Variants in ATXN1 observed in about 807,000 individuals in gnomAD.
ATXN1 encodes the protein ataxin 1.
A neutral mutation model predicts 56.4 loss-of-function variants in ATXN1; 8 were observed. That is an observed-to-expected ratio of 0.14 (90% CI 0.08 to 0.26). The LOEUF (loss-of-function observed/expected upper bound fraction) is 0.26, where lower values mean the gene tolerates loss of function less well. ATXN1 is among the 10% of genes least tolerant of loss of function. ATXN1 has a pLI of 1.00. For synonymous variants in ATXN1, 514 were observed against 494.6 expected (o/e 1.04, Z -0.52); for missense variants, 987 against 1,106.5 (o/e 0.89, Z 1.53).
chr6:16,357,116 T>C (rs2113468788), intron 6 of ATXN1, among the ~76,000 whole-genome samples: 1 of 152,338 alleles, frequency 6.6e-6, no homozygotes, highest in Non-Finnish European at 1.5e-5. Context: ...TATTCATTTA[T>C]AGTTATTCCA....
intron 4 of ATXN1, among the ~76,000 whole-genome samples, chr6:16,585,334 A>C (rs1169905731): frequency 6.6e-6 from 1 of 152,164 alleles, no homozygotes; most frequent in Non-Finnish European, 1.5e-5. Flanking sequence ...ATGTTTACTC[A>C]ATGGTATACT....
chr6:16,612,762 G>A (rs191375846), intron 3 of ATXN1, among the ~76,000 whole-genome samples: 139 of 151,872 alleles, frequency 9.2e-4, no homozygotes, highest in African/African-American at 3.3e-3. Flanking sequence ...ATGGTGGCAC[G>A]CACCTGTAGT....
intron 2 of ATXN1, among the ~76,000 whole-genome samples, chr6:16,714,166 A>G (rs988938111): frequency 7.5e-6 from 1 of 132,616 alleles, no homozygotes; most frequent in Non-Finnish European, 1.6e-5. Context: ...AAAGAAAGAA[A>G]AAAAAAACCA....
intron 6 of ATXN1, among the ~76,000 whole-genome samples, chr6:16,453,810 G>A (rs976388292): frequency 9.9e-5 from 15 of 152,124 alleles, no homozygotes; most frequent in African/African-American, 3.4e-4. Context: ...GGTGCAGAGA[G>A]GATTAAGTAA....
At chr6:16,568,561 C>T (rs9383179) in intron 4 of ATXN1, among the ~76,000 whole-genome samples, 71,197 of 152,060 alleles carry the variant, frequency 0.47, 19,077 homozygotes, top group East Asian at 0.73. Flanking sequence ...ATAATATAGA[C>T]AAACTCTAGT....
chr6:16,487,171 T>A (rs1760564536), intron 5 of ATXN1, among the ~76,000 whole-genome samples: 1 of 152,168 alleles, frequency 6.6e-6, no homozygotes, highest in Non-Finnish European at 1.5e-5. Context: ...GCTTTGAGGA[T>A]GACAAGAAAC....
intron 4 of ATXN1, among the ~76,000 whole-genome samples, chr6:16,523,948 C>G (rs1487627957): frequency 2.6e-5 from 4 of 152,180 alleles, no homozygotes; most frequent in Admixed American, 1.3e-4. Context: ...TTTAAAGACG[C>G]CTTTGCAGGT....
intron 6 of ATXN1, among the ~76,000 whole-genome samples, chr6:16,473,473 G>C (rs1183855674): frequency 1.3e-5 from 2 of 152,190 alleles, no homozygotes; most frequent in African/African-American, 4.8e-5. Context: ...CGAGGTCAGA[G>C]AAGCATTTTG....
intron 6 of ATXN1, among the ~76,000 whole-genome samples, chr6:16,331,917 C>T (rs1761001789): frequency 6.6e-6 from 1 of 152,234 alleles, no homozygotes; most frequent in Non-Finnish European, 1.5e-5. Context: ...TCGGCTTAGT[C>T]AGCCCTGAAG....
intron 5 of ATXN1, among the ~76,000 whole-genome samples, chr6:16,505,809 T>C (rs542696644): frequency 3.3e-5 from 5 of 152,334 alleles, no homozygotes; most frequent in African/African-American, 9.6e-5. Flanking sequence ...CATAAACTAC[T>C]ATGCGTCTAT....
At chr6:16,465,632 G>C (rs868421386) in intron 6 of ATXN1, among the ~76,000 whole-genome samples, 23 of 152,272 alleles carry the variant, frequency 1.5e-4, no homozygotes, top group South Asian at 8.3e-4. Flanking sequence ...AATGCATGGG[G>C]AAGAGTAGTC....
At chr6:16,735,398 T>C (rs1030123363) in intron 2 of ATXN1, among the ~76,000 whole-genome samples, 1 of 152,218 alleles carries the variant, frequency 6.6e-6, no homozygotes, top group Non-Finnish European at 1.5e-5. Flanking sequence ...TTATTAACAA[T>C]GATTTATTGA....
intron 3 of ATXN1, among the ~76,000 whole-genome samples, chr6:16,601,770 G>A (rs755248136): frequency 9.2e-5 from 14 of 152,082 alleles, no homozygotes; most frequent in East Asian, 7.7e-4. Context: ...GGAAAATGGC[G>A]TGAACCCAGG....
intron 6 of ATXN1, among the ~76,000 whole-genome samples, chr6:16,416,833 CATAAA>C (rs1223869485): frequency 6.6e-6 from 1 of 152,120 alleles, no homozygotes; most frequent in African/African-American, 2.4e-5. Flanking sequence ...CTTTAGTTTC[CATAAA>C]GCAGAAACCC....
Position 16,303,931 on chromosome 6 carries a change from C to T in ATXN1, c.*2398G>A, listed in dbSNP as rs1481133391. ...ATTAAGCAAGTTCTCTGAACAGAAA[C>T]GTTTAAAAAATACAGCACTAAATAA... On this transcript the variant is annotated 3_prime_UTR_variant, in exon 8 of 8. Coordinates refer to ENST00000436367, the MANE Select transcript of ATXN1 (RefSeq NM_001128164.2). The surrounding 1 kb of genome is among the most constrained non-coding windows in gnomAD (Gnocchi z 4.3). 2 of 152,598 alleles carry T rather than the reference C, an allele frequency of 1.3e-5. No individual in the cohort carries two copies. The highest frequency in any genetic ancestry group is 2.9e-5 in the Non-Finnish European group (2 of 68,032). The allele number at this position is 152,598 out of a possible 1,614,324, so 9.5% of individuals were successfully genotyped here. A position where few individuals can be genotyped will look rare whatever the true frequency, so the allele number is the denominator to read the frequency against.
chr6:16,391,694 A>C (rs2113522563), intron 6 of ATXN1, among the ~76,000 whole-genome samples: 1 of 152,338 alleles, frequency 6.6e-6, no homozygotes, highest in Middle Eastern at 3.4e-3. Flanking sequence ...TCTGGAAGGC[A>C]GCGGAAGGTT....
At chr6:16,726,846 G>A (rs1359896048) in intron 2 of ATXN1, among the ~76,000 whole-genome samples, 2 of 151,978 alleles carry the variant, frequency 1.3e-5, no homozygotes, top group Non-Finnish European at 1.5e-5. Context: ...CGACAAGAGC[G>A]AAACTTCATC....
rs377646713 is a variant in ATXN1 at position 16,306,869 on chromosome 6, C to T, written c.1918-10G>A. The T allele has an allele frequency of 2.5e-6, 4 of 1,583,308 alleles. No homozygotes were observed. The Admixed American group carries it at 7.4e-5, about 29-fold the overall frequency. On this transcript the variant is annotated splice_polypyrimidine_tract_variant and intron_variant, in intron 7 of 7. Transcript: ENST00000436367. The surrounding 1 kb of genome is among the most constrained non-coding windows in gnomAD (Gnocchi z 5.2). ...AAACTTCAACGCTGACCTGTGGAAACAGGGAGAGACAGAGAGAGGAAGAAG... is the reference window on the plus strand; with the variant it reads ...AAACTTCAACGCTGACCTGTGGAAATAGGGAGAGACAGAGAGAGGAAGAAG...
intron 3 of ATXN1, among the ~76,000 whole-genome samples, chr6:16,653,485 G>A (rs559667794): frequency 5.9e-5 from 9 of 152,186 alleles, no homozygotes; most frequent in Non-Finnish European, 1.2e-4. Context: ...AACTGCCAAG[G>A]GTAGCAGGTG....
Sources: allele counts gnomAD v4.1 joint callset (sites outside exome capture counted in the v4.1 genomes callset), GRCh38; gene constraint gnomAD v4.1.1; non-coding constraint Gnocchi (gnomAD v3.1); transcripts MANE v1.5; gene names NCBI Gene and HGNC (gene_info 2026-07-23, HGNC 2026-07-21).